Variants in EPDR1 observed in about 807,000 individuals in gnomAD.
The protein encoded by EPDR1 is ependymin related 1, also known as mammalian ependymin-related protein 1.
A neutral mutation model predicts 23.7 loss-of-function variants in EPDR1; 27 were observed. The ratio of observed to expected loss-of-function variants is 1.14; its 90% CI spans 0.84 to 1.57. EPDR1 has a LOEUF of 1.57. Among genes scored for constraint, EPDR1 ranks in the 40% most tolerant of loss-of-function variants. EPDR1 has a pLI of 0.00. For synonymous variants in EPDR1, 137 were observed against 118.2 expected (o/e 1.16, Z -1.03); for missense variants, 349 against 290.4 (o/e 1.20, Z -1.47).
intron 1 of EPDR1, among the ~76,000 whole-genome samples, chr7:37,942,251 A>G (rs1186411769): frequency 6.6e-6 from 1 of 152,248 alleles, no homozygotes; most frequent in African/African-American, 2.4e-5. Flanking sequence ...TAAATAAAAT[A>G]TGGTGTATAC....
intron 1 of EPDR1, among the ~76,000 whole-genome samples, chr7:37,930,703 G>A (rs1231117761): frequency 6.6e-6 from 1 of 152,184 alleles, no homozygotes; most frequent in Non-Finnish European, 1.5e-5. Flanking sequence ...TGAAGCTTGG[G>A]AATCCACTTC....
At chr7:37,927,938 A>G (rs1171863978) in intron 1 of EPDR1, among the ~76,000 whole-genome samples, 2 of 152,208 alleles carry the variant, frequency 1.3e-5, no homozygotes, top group African/African-American at 4.8e-5. Context: ...GAGTTTCGCA[A>G]TATTTGAGTT....
chr7:37,941,260 C>T (rs1545443), intron 1 of EPDR1, among the ~76,000 whole-genome samples: 148,694 of 152,314 alleles, frequency 0.98, 72,707 homozygotes, highest in East Asian at 1. Context: ...ATTCAGGAAA[C>T]GGATTTGCCT....
chr7:37,931,158 A>G (rs1457064584), intron 1 of EPDR1, among the ~76,000 whole-genome samples: 1 of 152,066 alleles, frequency 6.6e-6, no homozygotes, highest in Non-Finnish European at 1.5e-5. Context: ...TTTTTGGTGT[A>G]TACAATTTGG....
intron 1 of EPDR1, among the ~76,000 whole-genome samples, chr7:37,939,386 A>G (rs1328906639): frequency 3.9e-5 from 6 of 152,160 alleles, no homozygotes; most frequent in Non-Finnish European, 8.8e-5. Context: ...TGAGTTATTT[A>G]TTTGTAACTG....
intron 1 of EPDR1, among the ~76,000 whole-genome samples, chr7:37,936,716 G>C (rs919544546): frequency 3.9e-5 from 6 of 152,010 alleles, no homozygotes; most frequent in Admixed American, 6.5e-5. Context: ...ATTTAAAACA[G>C]CAACAGTGAC....
intron 1 of EPDR1, among the ~76,000 whole-genome samples, chr7:37,931,854 G>A (rs571602616): frequency 3.3e-5 from 5 of 152,046 alleles, no homozygotes; most frequent in African/African-American, 9.6e-5. Context: ...GCACACCACT[G>A]CACCCGCCTA....
rs1180164022 is a variant in EPDR1, at chr7:37,920,805, G to A, written c.-135G>A. 2.5e-6 allele frequency: 4 copies of A among 1,606,698 alleles called. No individual in the cohort carries two copies. The highest frequency in any genetic ancestry group is 1.2e-5 in the South Asian group (1 of 86,816). ...TCAAAAGCGGCAGAGGCCACCGAAG[G>A]GACAGGAAGCACTTTGGTCCAGACC... On this transcript the variant is annotated 5_prime_UTR_variant, in exon 1 of 3. Coordinates refer to ENST00000199448, the MANE Select transcript of EPDR1 (RefSeq NM_017549.5).
intron 1 of EPDR1, among the ~76,000 whole-genome samples, chr7:37,922,006 C>G (rs774617226): frequency 6.6e-6 from 1 of 152,134 alleles, no homozygotes; most frequent in Non-Finnish European, 1.5e-5. Context: ...AAAGGAAACC[C>G]TCTTTTTGAG....
At chr7:37,932,820 T>A (rs918055160) in intron 1 of EPDR1, among the ~76,000 whole-genome samples, 1 of 152,216 alleles carries the variant, frequency 6.6e-6, no homozygotes, top group Non-Finnish European at 1.5e-5. Context: ...TTTTTTATTA[T>A]CTTTCATCAG....
At chr7:37,947,021 C>T (rs1786290228) in intron 1 of EPDR1, among the ~76,000 whole-genome samples, 1 of 152,012 alleles carries the variant, frequency 6.6e-6, no homozygotes, top group African/African-American at 2.4e-5. Context: ...TTAGTGTAGC[C>T]TAAGTGTACA....
intron 1 of EPDR1, among the ~76,000 whole-genome samples, chr7:37,942,532 C>T (rs931974508): frequency 6.6e-6 from 1 of 152,154 alleles, no homozygotes; most frequent in Admixed American, 6.5e-5. Context: ...ATATATTTAA[C>T]ATTACTGAAC....
intron 1 of EPDR1, among the ~76,000 whole-genome samples, chr7:37,930,027 A>G (rs1424322576): frequency 2.0e-5 from 3 of 152,200 alleles, no homozygotes; most frequent in Admixed American, 6.5e-5. Context: ...GTCCCCCCAA[A>G]GAAAGGAGAA....
intron 1 of EPDR1, among the ~76,000 whole-genome samples, chr7:37,944,153 T>C (rs1033619201): frequency 6.6e-6 from 1 of 152,236 alleles, no homozygotes; most frequent in East Asian, 1.9e-4. Context: ...TAAGCGGGGG[T>C]GCTCCAAGCA....
At chr7:37,934,399 A>G (rs145246189) in intron 1 of EPDR1, among the ~76,000 whole-genome samples, 239 of 151,708 alleles carry the variant, frequency 1.6e-3, no homozygotes, top group African/African-American at 5.4e-3. Context: ...ACAGTCAAAG[A>G]CAGAAAGTGA....
chr7:37,937,984 A>ATTTTTTTTTTTTTTTTTTTTTTTTTT (rs1347900474), intron 1 of EPDR1, among the ~76,000 whole-genome samples: 1 of 62,244 alleles, frequency 1.6e-5, no homozygotes, highest in Non-Finnish European at 3.1e-5. Context: ...GTGCCCTTTA[A>ATTTTTTTTTTTTTTTTTTTTTTTTTT]ATTTTTTTTT....
chr7:37,949,840 T>C (rs1786359549), intron 2 of EPDR1, among the ~76,000 whole-genome samples: 1 of 152,214 alleles, frequency 6.6e-6, no homozygotes, highest in African/African-American at 2.4e-5. Context: ...GAGGACATAA[T>C]GTTAAGAGAA....
At chr7:37,936,296 C>T (rs1786051125) in intron 1 of EPDR1, among the ~76,000 whole-genome samples, 1 of 151,856 alleles carries the variant, frequency 6.6e-6, no homozygotes. Flanking sequence ...ATTCAACAAA[C>T]ATTCATAATA....
At chr7:37,948,218 A>T (rs1419720567) in intron 1 of EPDR1, among the ~76,000 whole-genome samples, 2 of 152,082 alleles carry the variant, frequency 1.3e-5, no homozygotes, top group Non-Finnish European at 2.9e-5. Flanking sequence ...GGTAAACAAA[A>T]GTTCACAAAC....
Sources: allele counts gnomAD v4.1 joint callset (sites outside exome capture counted in the v4.1 genomes callset), GRCh38; gene constraint gnomAD v4.1.1; transcripts MANE v1.5; gene names NCBI Gene and HGNC (gene_info 2026-07-23, HGNC 2026-07-21).